The following ZSWIM5 variants were observed in gnomAD, a reference collection of about 807,000 sequenced individuals.
The protein encoded by ZSWIM5 is zinc finger SWIM domain-containing protein 5.
A neutral mutation model predicts 119.6 loss-of-function variants in ZSWIM5; 55 were observed. The ratio of observed to expected loss-of-function variants is 0.46; its 90% CI spans 0.37 to 0.58. ZSWIM5 has a LOEUF of 0.58. ZSWIM5 is among the 20% of genes least tolerant of loss of function. The pLI is 0.00. For missense variants in ZSWIM5, 1,193 were observed against 1,512.8 expected (o/e 0.79, Z 3.51); for synonymous variants, 537 against 606.9 (o/e 0.88, Z 1.69).
chr1:45,096,576 A>G (rs943041558), intron 1 of ZSWIM5, among the ~76,000 whole-genome samples: 1 of 151,712 alleles, frequency 6.6e-6, no homozygotes, highest in Non-Finnish European at 1.5e-5. Context: ...ACACACACAC[A>G]GCCCTCAAGT....
At chr1:45,024,192 CTTTT>C (rs59909524) in intron 11 of ZSWIM5, among the ~76,000 whole-genome samples, 39 of 129,510 alleles carry the variant, frequency 3.0e-4, no homozygotes, top group African/African-American at 1.0e-3. Context: ...CTTTTCTTTT[CTTTT>C]TTTTTTTTTT....
In ZSWIM5 at chr1:45,018,602, T is replaced by C. The variant is rs375492019; in HGVS notation, c.3410A>G (p.Glu1137Gly). ...LTHISPRHYGEFIEFLSKARE... is the reference protein window; with the variant it reads ...LTHISPRHYGGFIEFLSKARE... ...AGCCTTGCTTAGAAACTCAATGAACTCTCCATAGTGGCGAGGGCTGATGTG... is the reference window on the plus strand; with the variant it reads ...AGCCTTGCTTAGAAACTCAATGAACCCTCCATAGTGGCGAGGGCTGATGTG... Residue 1137 changes from glutamate to glycine, a missense_variant, in exon 14 of 14, where the codon GAG (glutamate) becomes GGG (glycine). Transcript: ENST00000359600. This position sits in a 1 kb window ranked among gnomAD's most constrained non-coding sequence, Gnocchi z 6.7. The C allele has an allele frequency of 3.3e-5, 53 of 1,614,040 alleles. No homozygotes were observed. The highest frequency in any genetic ancestry group is 4.3e-5 in the Non-Finnish European group (51 of 1,180,040).
intron 11 of ZSWIM5, among the ~76,000 whole-genome samples, chr1:45,030,051 CCTCTTG>C (rs1557740677): frequency 1.3e-5 from 2 of 152,074 alleles, no homozygotes; most frequent in East Asian, 3.9e-4. Context: ...CTCAAGCAAT[CCTCTTG>C]CTTTAGCCTC....
intron 1 of ZSWIM5, among the ~76,000 whole-genome samples, chr1:45,132,946 T>C (rs886862425): frequency 2.6e-5 from 4 of 152,204 alleles, no homozygotes; most frequent in African/African-American, 4.8e-5. Flanking sequence ...CATGAACTCA[T>C]CCTTTTTTAT....
At chr1:45,043,965 C>G (rs1363771046) in intron 5 of ZSWIM5, among the ~76,000 whole-genome samples, 1 of 152,108 alleles carries the variant, frequency 6.6e-6, no homozygotes, top group African/African-American at 2.4e-5. Context: ...GGGAGGATCA[C>G]TTGAGGCCAG....
At position 45,171,223 on chromosome 1, in the gene ZSWIM5, C is replaced by A. The variant is rs77922463; in HGVS notation, c.595+34533G>T. Among the ~76,000 whole-genome samples, 54 of 152,158 alleles carry A rather than the reference C, an allele frequency of 3.5e-4. No individual in the cohort carries two copies. The East Asian group carries it at 7.9e-3, about 22-fold the overall frequency. The stretch of plus-strand genomic sequence containing the variant: ...GTTGGTTTCCAGAATAGCATATATT[C>A]CTCCAGGTACATTTTCAATTCTCTA... On this transcript the variant is annotated intron_variant, in intron 1 of 13. Coordinates refer to ENST00000359600, the MANE Select transcript of ZSWIM5 (RefSeq NM_020883.2).
At chr1:45,165,691 C>G (rs1316913648) in intron 1 of ZSWIM5, among the ~76,000 whole-genome samples, 1 of 152,142 alleles carries the variant, frequency 6.6e-6, no homozygotes, top group Non-Finnish European at 1.5e-5. Context: ...ATAAACATCT[C>G]TGCACAAATA....
intron 1 of ZSWIM5, among the ~76,000 whole-genome samples, chr1:45,113,858 T>C (rs1052339160): frequency 1.3e-5 from 2 of 152,240 alleles, no homozygotes; most frequent in Non-Finnish European, 2.9e-5. Context: ...ATGCTCCTCC[T>C]GATTTCCCAG....
chr1:45,155,878 TG>T (rs770707998), intron 1 of ZSWIM5, among the ~76,000 whole-genome samples: 1 of 152,144 alleles, frequency 6.6e-6, no homozygotes, highest in African/African-American at 2.4e-5. Flanking sequence ...TTTGGGGACT[TG>T]GGGGGAAAGA....
At chr1:45,134,649 T>C (rs1300283407) in intron 1 of ZSWIM5, among the ~76,000 whole-genome samples, 1 of 152,200 alleles carries the variant, frequency 6.6e-6, no homozygotes, top group Non-Finnish European at 1.5e-5. Flanking sequence ...AACAGAATCA[T>C]TTCCTTCTTT....
At chr1:45,192,412 C>T (rs1646098190) in intron 1 of ZSWIM5, among the ~76,000 whole-genome samples, 1 of 152,198 alleles carries the variant, frequency 6.6e-6, no homozygotes. Context: ...ATTCACTTAG[C>T]ATAATCTTTA....
At position 45,088,070 on chromosome 1, in the gene ZSWIM5, T is replaced by C. The variant is rs1645342399; in HGVS notation, c.763A>G (p.Arg255Gly). Residue 255 changes from arginine (R) to glycine (G), a missense_variant, in exon 2 of 14, where the codon AGG (arginine) becomes GGG (glycine). Coordinates refer to ENST00000359600, the MANE Select transcript of ZSWIM5 (RefSeq NM_020883.2). This position sits in a 1 kb window ranked among gnomAD's most constrained non-coding sequence, Gnocchi z 4.2. Reference sequence around the variant, plus strand: ...TTGACTTGGTCTGGTTTACGGATCCTGTAGAGTGAGAGTGCTACCACATGG... The same window carrying C: ...TTGACTTGGTCTGGTTTACGGATCCCGTAGAGTGAGAGTGCTACCACATGG... ...CAHVVALSLY[R>G]IRKPDQVKLR... 1 of 1,614,204 alleles carries C rather than the reference T, an allele frequency of 6.2e-7. No homozygotes were observed. The highest frequency in any genetic ancestry group is 8.5e-7 in the Non-Finnish European group (1 of 1,180,028).
rs142010334 is a variant in ZSWIM5 at position 45,159,885 on chromosome 1, G to A, written c.595+45871C>T. On this transcript the variant is annotated intron_variant, in intron 1 of 13. Transcript: ENST00000359600. The stretch of plus-strand genomic sequence containing the variant: ...ATTACAGGTGTGAGCCACCGTGCCC[G>A]GCCTCTCAATTGTTAAACTGACTAA... 6.3e-3 allele frequency among the ~76,000 whole-genome samples: 955 copies of A among 152,174 alleles called. 10 individuals carry two copies. The highest frequency in any genetic ancestry group is 0.022 in the African/African-American group (922 of 41,534).
rs1176895605 is a variant in ZSWIM5 at position 45,060,185 on chromosome 1, C to T, written c.1015G>A (p.Glu339Lys). The T allele has an allele frequency of 3.1e-6, 5 of 1,614,184 alleles. No individual in the cohort carries two copies. The highest frequency in any genetic ancestry group is 4.2e-6 in the Non-Finnish European group (5 of 1,180,034). The change falls in exon 3 of 14, where the codon GAA (glutamate) becomes AAA (lysine). Residue 339 changes from glutamate to lysine, a missense_variant. Transcript: ENST00000359600. ...AGCTTCACTTGTTCTTTCACCTGTT[C>T]TTCATCCAAATGCCAACAGTTCTCA... ...DDENCWHLDE[E>K]QVKEQVKLFL...
At chr1:45,154,743 A>G (rs761489206) in intron 1 of ZSWIM5, among the ~76,000 whole-genome samples, 12 of 152,104 alleles carry the variant, frequency 7.9e-5, no homozygotes, top group Non-Finnish European at 4.4e-5. Flanking sequence ...TTAGCCAGGC[A>G]TGATGGCAGG....
At chr1:45,175,591 C>T (rs1042417932) in intron 1 of ZSWIM5, among the ~76,000 whole-genome samples, 2 of 151,930 alleles carry the variant, frequency 1.3e-5, no homozygotes, top group Admixed American at 1.3e-4. Context: ...GCTGAGACCA[C>T]AGGCATGCAC....
At chr1:45,147,880 G>C (rs923589089) in intron 1 of ZSWIM5, among the ~76,000 whole-genome samples, 1 of 151,698 alleles carries the variant, frequency 6.6e-6, no homozygotes, top group Admixed American at 6.6e-5. Context: ...ACAGAAAAGA[G>C]GAAAATTGCA....
At chr1:45,154,308 A>G (rs569502367) in intron 1 of ZSWIM5, among the ~76,000 whole-genome samples, 1 of 152,334 alleles carries the variant, frequency 6.6e-6, no homozygotes, top group Admixed American at 6.5e-5. Context: ...CTAAGCAAAA[A>G]GTACAAATTT....
intron 11 of ZSWIM5, among the ~76,000 whole-genome samples, chr1:45,022,217 G>A (rs1352104824): frequency 6.7e-6 from 1 of 150,272 alleles, no homozygotes; most frequent in Non-Finnish European, 1.5e-5. Context: ...TGCAAGCTCC[G>A]CCTCCCAGGT....
Sources: allele counts gnomAD v4.1 joint callset (sites outside exome capture counted in the v4.1 genomes callset), GRCh38; gene constraint gnomAD v4.1.1; non-coding constraint Gnocchi (gnomAD v3.1); transcripts MANE v1.5; gene names NCBI Gene and HGNC (gene_info 2026-07-23, HGNC 2026-07-21).